The following SLC44A5 variants were observed in gnomAD, a reference collection of about 807,000 sequenced individuals.
The protein encoded by SLC44A5 is choline transporter-like protein 5.
In SLC44A5, 57 loss-of-function variants were observed where a neutral mutation model predicts 101.8. That is an observed-to-expected ratio of 0.56 (90% CI 0.45 to 0.70). The LOEUF (loss-of-function observed/expected upper bound fraction) is 0.70. Ranked by LOEUF, SLC44A5 falls within the 30% of genes least tolerant of loss-of-function variation. The pLI, the probability that SLC44A5 is intolerant of heterozygous loss-of-function variation, is 0.00. For missense variants in SLC44A5, 737 were observed against 853.1 expected, an observed-to-expected ratio of 0.86 and a Z score of 1.70; for synonymous variants, 281 against 290.9, an observed-to-expected ratio of 0.97 and a Z score of 0.35.
intron 2 of SLC44A5, among the ~76,000 whole-genome samples, chr1:75,519,673 C>A (rs557797127): frequency 6.6e-6 from 1 of 152,332 alleles, no homozygotes; most frequent in East Asian, 1.9e-4. Context: ...CAAATAATAG[C>A]TCAGCAGACT....
chr1:75,387,412 A>C (rs1661441318), intron 3 of SLC44A5, among the ~76,000 whole-genome samples: 1 of 106,720 alleles, frequency 9.4e-6, no homozygotes, highest in Non-Finnish European at 1.9e-5. Flanking sequence ...ACATGAACAG[A>C]CACTTCTCAA....
At position 75,207,019 on chromosome 1, in the gene SLC44A5, A is replaced by G. The variant is rs1038348025; in HGVS notation, c.2048-3186T>C. Among the ~76,000 whole-genome samples the G allele has an allele frequency of 2.6e-5, 4 of 152,174 alleles. No individual in the cohort carries two copies. The South Asian group carries it at 8.3e-4, about 31-fold the overall frequency. On this transcript the variant is annotated intron_variant, in intron 23 of 23. Coordinates refer to ENST00000370859, the MANE Select transcript of SLC44A5 (RefSeq NM_001130058.2). The stretch of plus-strand genomic sequence containing the variant: ...AAAAAGTGTCATATTTAAATTCTGT[A>G]ACTGTTCATTTCAGAAAGATATAAA...
At chr1:75,648,544 T>A in the SLC44A5 span, among the ~76,000 whole-genome samples, 1 of 152,180 alleles carries the variant, frequency 6.6e-6, no homozygotes, top group East Asian at 1.9e-4. Context: ...CATATGATAG[T>A]CCTCAGGGGA....
intron 4 of SLC44A5, among the ~76,000 whole-genome samples, chr1:75,332,858 A>C (rs1159717908): frequency 1.3e-5 from 2 of 152,230 alleles, no homozygotes; most frequent in African/African-American, 4.8e-5. Context: ...ACACATTCTT[A>C]TAAATTCTAA....
intron 3 of SLC44A5, among the ~76,000 whole-genome samples, chr1:75,350,084 C>G (rs982050230): frequency 3.9e-4 from 59 of 151,948 alleles, no homozygotes; most frequent in Middle Eastern, 3.4e-3. Flanking sequence ...CCTACCGCGC[C>G]CCCCCCAACT....
At chr1:75,385,671 C>G (rs1251856168) in intron 3 of SLC44A5, among the ~76,000 whole-genome samples, 1 of 152,062 alleles carries the variant, frequency 6.6e-6, no homozygotes, top group Non-Finnish European at 1.5e-5. Context: ...TTATTCCAAT[C>G]AATAGAAAAA....
chr1:75,320,523 A>T (rs1656062892), intron 4 of SLC44A5, among the ~76,000 whole-genome samples: 1 of 152,132 alleles, frequency 6.6e-6, no homozygotes, highest in Non-Finnish European at 1.5e-5. Flanking sequence ...AAAACCAAAG[A>T]TATATACATA....
At chr1:75,530,072 G>A (rs758273237) in intron 2 of SLC44A5, among the ~76,000 whole-genome samples, 4 of 151,896 alleles carry the variant, frequency 2.6e-5, no homozygotes, top group African/African-American at 4.8e-5. Flanking sequence ...TTTTTGAGAC[G>A]GAGTCTTGCT....
At chr1:75,451,375 C>T (rs1665900305) in intron 2 of SLC44A5, among the ~76,000 whole-genome samples, 1 of 152,040 alleles carries the variant, frequency 6.6e-6, no homozygotes, top group Admixed American at 6.6e-5. Flanking sequence ...AACTGCACAG[C>T]CCAATATAAT....
intron 4 of SLC44A5, among the ~76,000 whole-genome samples, chr1:75,336,152 GTTA>G (rs926587357): frequency 7.2e-5 from 11 of 151,924 alleles, no homozygotes; most frequent in Admixed American, 2.0e-4. Context: ...AAAATGTATG[GTTA>G]TTATTATTAT....
chr1:75,317,843 C>G (rs780118889), intron 4 of SLC44A5, among the ~76,000 whole-genome samples: 44 of 152,104 alleles, frequency 2.9e-4, no homozygotes, highest in Non-Finnish European at 5.4e-4. Flanking sequence ...TAGGACCCAC[C>G]CTTATGGCCT....
intron 3 of SLC44A5, among the ~76,000 whole-genome samples, chr1:75,389,968 G>A (rs1661673176): frequency 6.6e-6 from 1 of 151,994 alleles, no homozygotes; most frequent in African/African-American, 2.4e-5. Context: ...TGAGCACAAT[G>A]CCAACGACAA....
chr1:75,700,812 T>G, the SLC44A5 span, among the ~76,000 whole-genome samples: 1 of 152,116 alleles, frequency 6.6e-6, no homozygotes, highest in African/African-American at 2.4e-5. Context: ...CAATAAAAAA[T>G]GATAAAGGGG....
chr1:75,433,987 G>A (rs981234928), intron 2 of SLC44A5, among the ~76,000 whole-genome samples: 2 of 151,944 alleles, frequency 1.3e-5, no homozygotes, highest in Non-Finnish European at 2.9e-5. Context: ...AGAATAGTAT[G>A]GGAAAAACCA....
chr1:75,348,905 G>A (rs998273219), intron 3 of SLC44A5, among the ~76,000 whole-genome samples: 4 of 152,092 alleles, frequency 2.6e-5, no homozygotes, highest in East Asian at 1.9e-4. Context: ...ATCAAGAAAC[G>A]AAAGTCACAG....
chr1:75,277,404 T>G (rs979413524), intron 5 of SLC44A5, among the ~76,000 whole-genome samples: 1 of 152,194 alleles, frequency 6.6e-6, no homozygotes, highest in African/African-American at 2.4e-5. Context: ...GCTCAGAGTT[T>G]AATTTATCAC....
rs116301034 is a variant in SLC44A5 at position 75,291,280 on chromosome 1, C to T, written c.175+9332G>A. 5.2e-3 allele frequency among the ~76,000 whole-genome samples: 786 copies of T among 151,998 alleles called. 8 individuals carry two copies. Among genetic ancestry groups the T allele is most frequent in the African/African-American group, 0.018 (753 of 41,444 alleles). ...AAGGAAGTATTTGAAATAATGAGGA[C>T]GAGAGTTTATGGGTTTTTTTCCTTC... On this transcript the variant is annotated intron_variant, in intron 5 of 23. Transcript: ENST00000370859.
the SLC44A5 span, among the ~76,000 whole-genome samples, chr1:75,680,283 C>A: frequency 4.0e-5 from 6 of 151,650 alleles, no homozygotes; most frequent in Admixed American, 3.9e-4. Context: ...CTACAGAACT[C>A]TCCACCCCAA....
chr1:75,426,017 G>C (rs1383825421), intron 2 of SLC44A5, among the ~76,000 whole-genome samples: 1 of 151,344 alleles, frequency 6.6e-6, no homozygotes, highest in South Asian at 2.1e-4. Context: ...GATGCCTGAG[G>C]GTTCAAAGGA....
Sources: gnomAD v4.1 joint callset for allele counts (sites outside exome capture counted in the v4.1 genomes callset) on GRCh38, gnomAD v4.1.1 for gene constraint, MANE v1.5 for transcripts, NCBI Gene and HGNC (gene_info 2026-07-23, HGNC 2026-07-21) for gene names.